The following PACS1 variants were observed in gnomAD, a reference collection of about 807,000 sequenced individuals.
PACS1 encodes the protein phosphofurin acidic cluster sorting protein 1, also known as PACS-1.
Under a neutral mutation model 115.0 loss-of-function variants are expected in PACS1, and 24 were observed. The ratio of observed to expected loss-of-function variants is 0.21; its 90% CI spans 0.15 to 0.29. PACS1 has a LOEUF of 0.29. PACS1 is among the 10% of genes least tolerant of loss of function. The pLI, the probability that PACS1 is intolerant of heterozygous loss-of-function variation, is 1.00. For missense variants in PACS1, 838 were observed against 1,251.2 expected, an observed-to-expected ratio of 0.67 and a Z score of 4.98; for synonymous variants, 453 against 504.5, an observed-to-expected ratio of 0.90 and a Z score of 1.37.
intron 19 of PACS1, chr11:66,238,601 A>G: frequency 3.6e-6 from 2 of 554,028 alleles, no homozygotes; most frequent in Admixed American, 6.1e-5. Context: ...CTCAGGTTCA[A>G]GCGATTCTCC....
rs1854842315 is a variant in PACS1 at position 66,202,745 on chromosome 11, ATATAT to A, written c.445-7616_445-7612del. On this transcript the variant is annotated intron_variant, in intron 2 of 23. Transcript: ENST00000320580. Reference sequence around the variant, plus strand: ...CTCTAGGAAAAAAAAAAAAAAAAATATATATATATATATATATATATATATATATA... The same window carrying A: ...CTCTAGGAAAAAAAAAAAAAAAAATAATATATATATATATATATATATATA... 3.6e-3 allele frequency among the ~76,000 whole-genome samples: 111 copies of A among 30,692 alleles called. 5 individuals carry two copies. Among genetic ancestry groups the A allele is most frequent in the East Asian group, 4.6e-3 (5 of 1,092 alleles). The allele number at this position is 30,692 out of a possible 152,430, so 20.1% of individuals were successfully genotyped here.
chr11:66,075,253 T>G (rs1400414472), intron 1 of PACS1, among the ~76,000 whole-genome samples: 1 of 152,016 alleles, frequency 6.6e-6, no homozygotes, highest in Non-Finnish European at 1.5e-5. Flanking sequence ...TTTGTTTTGT[T>G]TTTTTGAGAC....
chr11:66,197,373 C>G (rs1854673645), intron 2 of PACS1, among the ~76,000 whole-genome samples: 1 of 152,114 alleles, frequency 6.6e-6, no homozygotes, highest in South Asian at 2.1e-4. Context: ...TGGATTTTAA[C>G]ATATAAGAGC....
intron 1 of PACS1, among the ~76,000 whole-genome samples, chr11:66,127,857 T>C (rs1463774827): frequency 2.6e-5 from 4 of 152,220 alleles, no homozygotes; most frequent in Admixed American, 6.5e-5. Context: ...GGACATTGTA[T>C]GTATGTCCTG....
intron 8 of PACS1, among the ~76,000 whole-genome samples, chr11:66,220,071 AC>A (rs1371103676): frequency 6.6e-6 from 1 of 152,088 alleles, no homozygotes; most frequent in African/African-American, 2.4e-5. Flanking sequence ...GGCATGCGAT[AC>A]AGGGACAGAC....
chr11:66,233,017 G>A lies in PACS1; in HGVS notation c.1789G>A (p.Val597Met), dbSNP rs767663290. 16 of 1,612,300 alleles carry A rather than the reference G, an allele frequency of 9.9e-6. No individual in the cohort carries two copies. In the South Asian group the frequency reaches 1.4e-4, roughly 14 times the overall value. Reference protein sequence around the residue: ...RKPVVCTCSTVEVQAVLSALL... With the variant: ...RKPVVCTCSTMEVQAVLSALL... ...GCCTGTGGTGTGCACCTGCTCCACC[G>A]TGGAGGTCCAGGCCGTGCTGTCCGC... The change falls in exon 15 of 24, where the codon GTG (valine) becomes ATG (methionine). Residue 597 changes from valine to methionine, a missense_variant. This residue lies in a region of PACS1 where 383 missense variants were observed against 537.0 expected (regional missense o/e 0.71). Coordinates refer to ENST00000320580, the MANE Select transcript of PACS1 (RefSeq NM_018026.4). This position sits in a 1 kb window ranked among gnomAD's most constrained non-coding sequence, Gnocchi z 4.5.
rs764630512 is a variant in PACS1, at chr11:66,234,288, A to G, written c.2104+46A>G. On this transcript the variant is annotated intron_variant, in intron 17 of 23. Transcript: ENST00000320580. Reference sequence around the variant, plus strand: ...GCTTACTCCCACCCCCGGGGTCCACAGGTGCCAGCCTGGCTGCAGAAGGAG... The same window carrying G: ...GCTTACTCCCACCCCCGGGGTCCACGGGTGCCAGCCTGGCTGCAGAAGGAG... 7 of 1,322,942 alleles carry G rather than the reference A, an allele frequency of 5.3e-6. No individual in the cohort carries two copies. The Admixed American group carries it at 1.0e-4, about 19-fold the overall frequency. 82.0% of individuals were successfully genotyped at this position (1,322,942 alleles called of 1,614,324 possible).
At chr11:66,224,300 C>T (rs760443019) in intron 10 of PACS1, among the ~76,000 whole-genome samples, 23 of 151,548 alleles carry the variant, frequency 1.5e-4, no homozygotes, top group Non-Finnish European at 3.1e-4. Flanking sequence ...GGTAGAGCTT[C>T]TGAGTTTGAG....
chr11:66,193,102 A>G (rs1348031597), intron 1 of PACS1, among the ~76,000 whole-genome samples: 1 of 152,178 alleles, frequency 6.6e-6, no homozygotes, highest in Non-Finnish European at 1.5e-5. Context: ...TGGCTCCAAC[A>G]TACTAGGCAT....
chr11:66,216,414 C>A, intron 5 of PACS1, 106 bp from the exon 6 acceptor site: 1 of 1,413,364 alleles, frequency 7.1e-7, no homozygotes, highest in Non-Finnish European at 9.9e-7. Context: ...TCCCCTCCAC[C>A]CTGGCTGTGT....
intron 1 of PACS1, among the ~76,000 whole-genome samples, chr11:66,152,508 A>G (rs1394705857): frequency 6.6e-6 from 1 of 152,266 alleles, no homozygotes; most frequent in Non-Finnish European, 1.5e-5. Context: ...AGAAAACACT[A>G]TAGATTCAAG....
rs1232653534 is a variant in PACS1 at position 66,243,238 on chromosome 11, G to A, written c.2850G>A (p.Lys950=). The A allele has an allele frequency of 1.2e-6, 2 of 1,612,042 alleles. No individual in the cohort carries two copies. The highest frequency in any genetic ancestry group is 8.5e-7 in the Non-Finnish European group (1 of 1,178,976). ...CAGCCCAGTGGCCCACCCATGTCAA[G>A]CACTTTCCAGTGGGACTCTTCAGTG... is the stretch of plus-strand genomic sequence containing the variant. ...QLAAQWPTHV[K]HFPVGLFSGS... Residue 950 remains lysine, a synonymous_variant, in exon 24 of 24, where the codon AAG becomes AAA. Transcript: ENST00000320580.
At position 66,155,440 on chromosome 11, in the gene PACS1, A is replaced by T. The variant is rs527780314; in HGVS notation, c.357-38046A>T. Among the ~76,000 whole-genome samples, 4 of 152,342 alleles carry T rather than the reference A, an allele frequency of 2.6e-5. No individual in the cohort carries two copies. In the South Asian group the frequency reaches 8.3e-4, roughly 32 times the overall value. On this transcript the variant is annotated intron_variant, in intron 1 of 23. Coordinates refer to ENST00000320580, the MANE Select transcript of PACS1 (RefSeq NM_018026.4). ...ATTTTTTAAATGCACAAAAGATTTC[A>T]AAGTATACTTCACAAGGTAAGATAA...
At chr11:66,187,751 C>T (rs1444184845) in intron 1 of PACS1, among the ~76,000 whole-genome samples, 3 of 152,138 alleles carry the variant, frequency 2.0e-5, no homozygotes, top group Admixed American at 6.5e-5. Context: ...CTATTGTGAA[C>T]GGTGCTCGGT....
chr11:66,210,061 C>T (rs942831508), intron 2 of PACS1, among the ~76,000 whole-genome samples: 1 of 151,036 alleles, frequency 6.6e-6, no homozygotes, highest in East Asian at 1.9e-4. Flanking sequence ...GACAGGGTCT[C>T]TCTCTGTCAC....
chr11:66,129,135 A>G (rs1858645545), intron 1 of PACS1, among the ~76,000 whole-genome samples: 1 of 151,712 alleles, frequency 6.6e-6, no homozygotes, highest in African/African-American at 2.4e-5. Flanking sequence ...AAATTGATTA[A>G]AGTTAGTAAG....
intron 1 of PACS1, among the ~76,000 whole-genome samples, chr11:66,086,110 G>A (rs1056771099): frequency 2.0e-5 from 3 of 149,504 alleles, no homozygotes; most frequent in Non-Finnish European, 4.5e-5. Context: ...TGTATATTTA[G>A]TGGTGAAAAA....
intron 1 of PACS1, among the ~76,000 whole-genome samples, chr11:66,110,567 T>G (rs754246422): frequency 1.6e-4 from 25 of 151,638 alleles, no homozygotes; most frequent in Non-Finnish European, 3.2e-4. Context: ...TTTCCTGTAG[T>G]TTTTTTTTGT....
chr11:66,202,884 G>A (rs1370170042), intron 2 of PACS1, among the ~76,000 whole-genome samples: 1 of 150,652 alleles, frequency 6.6e-6, no homozygotes, highest in African/African-American at 2.4e-5. Context: ...AGCCATATAT[G>A]ACAGACCTAT....
Sources: gnomAD v4.1 joint callset for allele counts (sites outside exome capture counted in the v4.1 genomes callset) on GRCh38, gnomAD v4.1.1 for gene constraint, gnomAD v4.1.1 regional missense constraint, Gnocchi (gnomAD v3.1) non-coding constraint, MANE v1.5 for transcripts, NCBI Gene and HGNC (gene_info 2026-07-23, HGNC 2026-07-21) for gene names.